The following AEBP2 variants were observed in gnomAD, a reference collection of about 807,000 sequenced individuals.
AEBP2 encodes zinc finger protein AEBP2.
AEBP2 carries 10 observed loss-of-function variants against 50.8 expected under a neutral mutation model. The ratio of observed to expected loss-of-function variants is 0.20; its 90% confidence interval spans 0.12 to 0.33. The LOEUF (loss-of-function observed/expected upper bound fraction) is 0.33, where lower values mean the gene tolerates loss of function less well. Ranked by LOEUF, AEBP2 falls within the 10% of genes least tolerant of loss-of-function variation. AEBP2 has a pLI of 1.00. For synonymous variants in AEBP2, 296 were observed against 261.3 expected (o/e 1.13, Z -1.28); for missense variants, 570 against 688.0 (o/e 0.83, Z 1.92).
chr12:19,494,016 A>T, intron 4 of AEBP2, 30 bp downstream of exon 4: 1 of 284,060 alleles, frequency 3.5e-6, no homozygotes, highest in Non-Finnish European at 5.9e-6. Context: ...AATCTGGTGT[A>T]TTTCATGGTT....
intron 3 of AEBP2, among the ~76,000 whole-genome samples, chr12:19,492,842 T>G (rs2120446012): frequency 6.6e-6 from 1 of 152,048 alleles, no homozygotes; most frequent in African/African-American, 2.4e-5. Context: ...TAGAGTGTGG[T>G]GGCGTGTGCC....
rs576971907 is a variant in AEBP2, at chr12:19,416,372, A to C, written c.-17+12156A>C. On this transcript the variant is annotated intron_variant, in intron 1 of 3. Coordinates refer to the AEBP2 transcript ENST00000538425. ...TTTTGAGCTTTTTGCTATTATAAAT[A>C]ATCTGAGATACAAATGGTCTTAGCT... Among the ~76,000 whole-genome samples, 686 of 152,164 alleles carry C rather than the reference A, an allele frequency of 4.5e-3. 5 individuals are homozygous for C. Among genetic ancestry groups the C allele is most frequent in the Admixed American group, 0.012 (177 of 15,254 alleles).
chr12:19,430,004 G>T (rs946230455), intron 1 of AEBP2, among the ~76,000 whole-genome samples: 1 of 152,016 alleles, frequency 6.6e-6, no homozygotes, highest in Non-Finnish European at 1.5e-5. Flanking sequence ...GTCAATTTTG[G>T]CTTTTGTTGC....
At chr12:19,518,022 CTCTT>C in intron 7 of AEBP2, 61 bp from the exon 8 acceptor site, 1 of 1,438,990 alleles carries the variant, frequency 6.9e-7, no homozygotes, top group African/African-American at 1.4e-5. Flanking sequence ...TTTTTAATGT[CTCTT>C]GAAGCACTCA....
chr12:19,472,147 CTG>C (rs1467854603), intron 2 of AEBP2, among the ~76,000 whole-genome samples: 3 of 152,140 alleles, frequency 2.0e-5, no homozygotes, highest in African/African-American at 4.8e-5. Flanking sequence ...TGTTTATAGA[CTG>C]TCAGTTTTTC....
At position 19,519,430 on chromosome 12, in the gene AEBP2, C is replaced by G. The variant is rs1020520581; in HGVS notation, c.*1313C>G. ...GTACTACTGTTAATATCTCTAAGAA[C>G]AAAACACATTGAACATCCTTCCAGA... On this transcript the variant is annotated 3_prime_UTR_variant, in exon 8 of 8. Coordinates refer to ENST00000266508, the MANE Select transcript of AEBP2 (RefSeq NM_153207.5). The G allele has an allele frequency of 6.6e-6, 1 of 152,468 alleles. No homozygotes were observed. Among genetic ancestry groups the G allele is most frequent in the Non-Finnish European group, 1.5e-5 (1 of 67,950 alleles). The allele number at this position is 152,468 out of a possible 1,614,324, so 9.4% of individuals were successfully genotyped here.
intron 1 of AEBP2, among the ~76,000 whole-genome samples, chr12:19,432,985 G>A (rs919996607): frequency 1.3e-5 from 2 of 152,014 alleles, no homozygotes; most frequent in Non-Finnish European, 2.9e-5. Flanking sequence ...GCAATAGTGT[G>A]TTATTGGGCA....
intron 3 of AEBP2, among the ~76,000 whole-genome samples, chr12:19,481,225 C>T (rs1044425399): frequency 6.0e-5 from 9 of 150,854 alleles, no homozygotes; most frequent in South Asian, 2.1e-4. Context: ...CTCATCCTCC[C>T]GAGTAACTGG....
chr12:19,458,934 C>T (rs931851027), intron 1 of AEBP2, among the ~76,000 whole-genome samples: 1 of 152,172 alleles, frequency 6.6e-6, no homozygotes, highest in African/African-American at 2.4e-5. Flanking sequence ...GTCTCCCTCC[C>T]CAACTTAGGT....
chr12:19,420,328 ATTTTTTTTTT>A (rs780103252), intron 1 of AEBP2, among the ~76,000 whole-genome samples: 58 of 76,574 alleles, frequency 7.6e-4, no homozygotes, highest in African/African-American at 2.6e-3. Flanking sequence ...TGTGCTGACC[ATTTTTTTTTT>A]TTTTTTTTTT....
intron 1 of AEBP2, among the ~76,000 whole-genome samples, chr12:19,461,692 GTAGCA>G: frequency 6.6e-6 from 1 of 152,046 alleles, no homozygotes; most frequent in Admixed American, 6.5e-5. Flanking sequence ...TGTATTTTTA[GTAGCA>G]GTGGGATTTC....
rs138834440 is a variant in AEBP2 at position 19,454,702 on chromosome 12, C to T, written c.672-7808C>T. 4.1e-3 allele frequency among the ~76,000 whole-genome samples: 616 copies of T among 152,092 alleles called. 4 individuals carry two copies. The highest frequency in any genetic ancestry group is 0.013 in the African/African-American group (523 of 41,488). Reference sequence around the variant, plus strand: ...TTAGATATTACAGTGCTTGCTTTGGCGGCACATACACTAAAAAAAATAAAG... The same window carrying T: ...TTAGATATTACAGTGCTTGCTTTGGTGGCACATACACTAAAAAAAATAAAG... On this transcript the variant is annotated intron_variant, in intron 1 of 7. Transcript: ENST00000266508.
rs78073127 is a variant in AEBP2 at position 19,500,128 on chromosome 12, A to C, written c.1206A>C (p.Thr402=). 2 of 1,606,762 alleles carry C rather than the reference A, an allele frequency of 1.2e-6. No individual in the cohort carries two copies. Among genetic ancestry groups the C allele is most frequent in the South Asian group, 1.1e-5 (1 of 89,328 alleles). Reference sequence around the variant, plus strand: ...CACATGATTTCTTCGATGCACAAACACTGGATGCGATAAGACATCGAGCCA... The same window carrying C: ...CACATGATTTCTTCGATGCACAAACCCTGGATGCGATAAGACATCGAGCCA... ...PRPHDFFDAQ[T]LDAIRHRAIC... is the part of the protein sequence containing the mutation. Residue 402 remains threonine (T), a synonymous_variant, in exon 5 of 8, where the codon ACA becomes ACC. Coordinates refer to ENST00000266508, the MANE Select transcript of AEBP2 (RefSeq NM_153207.5).
intron 4 of AEBP2, among the ~76,000 whole-genome samples, chr12:19,498,833 C>T (rs888342172): frequency 6.6e-6 from 1 of 151,964 alleles, no homozygotes; most frequent in Non-Finnish European, 1.5e-5. Context: ...ACTGCCTACT[C>T]TATATTTGTG....
intron 4 of AEBP2, among the ~76,000 whole-genome samples, chr12:19,495,341 T>C (rs1022881550): frequency 3.3e-5 from 5 of 152,218 alleles, no homozygotes; most frequent in Non-Finnish European, 7.3e-5. Context: ...CCTTTTTCTC[T>C]GGGGATTGAT....
chr12:19,494,091 TAACA>T (rs1036531877), intron 4 of AEBP2, 105 bp downstream of exon 4: 21 of 1,265,352 alleles, frequency 1.7e-5, no homozygotes, highest in Admixed American at 2.7e-5. Flanking sequence ...CTATTAAAAG[TAACA>T]AACAGGTAGG....
chr12:19,448,706 G>A (rs375267608), intron 1 of AEBP2, among the ~76,000 whole-genome samples: 1 of 152,116 alleles, frequency 6.6e-6, no homozygotes, highest in South Asian at 2.1e-4. Flanking sequence ...TCGAGACAGG[G>A]TCTTGCTCTG....
At chr12:19,500,274 T>C (rs1301120621) in intron 5 of AEBP2, 53 bp downstream of exon 5, 1 of 1,346,408 alleles carries the variant, frequency 7.4e-7, no homozygotes, top group Non-Finnish European at 9.8e-7. Flanking sequence ...CAAAAAAATA[T>C]TTCCACAATC....
chr12:19,468,217 A>G (rs1169788734), intron 2 of AEBP2, among the ~76,000 whole-genome samples: 1 of 150,110 alleles, frequency 6.7e-6, no homozygotes, highest in Non-Finnish European at 1.5e-5. Context: ...TATGTTGTCC[A>G]GCTCCTGGGC....
Sources: allele counts gnomAD v4.1 joint callset (sites outside exome capture counted in the v4.1 genomes callset), GRCh38; gene constraint gnomAD v4.1.1; transcripts MANE v1.5; gene names NCBI Gene and HGNC (gene_info 2026-07-23, HGNC 2026-07-21).